The following RNF182 variants were observed in gnomAD, a reference collection of about 807,000 sequenced individuals.
RNF182 encodes the protein E3 ubiquitin-protein ligase RNF182.
In RNF182, 15 loss-of-function variants were observed where a neutral mutation model predicts 14.4. That is an observed-to-expected ratio of 1.04 (90% CI 0.70 to 1.60). The LOEUF (loss-of-function observed/expected upper bound fraction) is 1.60. Ranked by LOEUF, RNF182 falls within the 40% of genes most tolerant of loss-of-function variation. The pLI is 0.00. For missense variants in RNF182, 268 were observed against 294.8 expected (o/e 0.91, Z 0.67); for synonymous variants, 128 against 122.9 (o/e 1.04, Z -0.27).
At chr6:13,973,491 G>A (rs1034332069) in intron 1 of RNF182, among the ~76,000 whole-genome samples, 1 of 152,136 alleles carries the variant, frequency 6.6e-6, no homozygotes, top group South Asian at 2.1e-4. Flanking sequence ...ATCCCCACAT[G>A]TCAAGGGCAG....
Position 13,978,034 on chromosome 6 carries a change from G to T in RNF182, c.*171G>T. ...TTTCCTGTAGGCTGGAAGTAAAAAT[G>T]TTCATTTCTACTTAGGGGTTAGCAA... On this transcript the variant is annotated 3_prime_UTR_variant, in exon 3 of 3. Coordinates refer to ENST00000488300, the MANE Select transcript of RNF182 (RefSeq NM_152737.4). 1 of 770,408 alleles carries T rather than the reference G, an allele frequency of 1.3e-6. No homozygotes were observed. The allele number at this position is 770,408 out of a possible 1,614,324, so 47.7% of individuals were successfully genotyped here. A position where few individuals can be genotyped will look rare whatever the true frequency, so the allele number is the denominator to read the frequency against.
At chr6:13,953,249 A>G (rs1204912616) in intron 1 of RNF182, among the ~76,000 whole-genome samples, 1 of 152,208 alleles carries the variant, frequency 6.6e-6, no homozygotes, top group African/African-American at 2.4e-5. Flanking sequence ...GAGTCACTCT[A>G]GTTTGAACAC....
At chr6:13,969,905 G>A (rs919055189) in intron 1 of RNF182, among the ~76,000 whole-genome samples, 1 of 151,924 alleles carries the variant, frequency 6.6e-6, no homozygotes, top group African/African-American at 2.4e-5. Flanking sequence ...TTATTTTTAA[G>A]GCAATTTCAG....
Position 13,979,869 on chromosome 6 carries a change from A to C in RNF182, c.*2006A>C, listed in dbSNP as rs922453091. On this transcript the variant is annotated 3_prime_UTR_variant, in exon 3 of 3. Coordinates refer to ENST00000488300, the MANE Select transcript of RNF182 (RefSeq NM_152737.4). ...ATTGTGGCAGTCTTTTTTTCTAGTTAATTTGGCTTTAGAGAGCAATCTTTG... is the reference window on the plus strand; with the variant it reads ...ATTGTGGCAGTCTTTTTTTCTAGTTCATTTGGCTTTAGAGAGCAATCTTTG... 6.0e-6 allele frequency: 1 copy of C among 166,906 alleles called. No homozygotes were observed. Among genetic ancestry groups the C allele is most frequent in the African/African-American group, 2.4e-5 (1 of 41,396 alleles). The allele number at this position is 166,906 out of a possible 1,614,324, so 10.3% of individuals were successfully genotyped here. A position where few individuals can be genotyped will look rare whatever the true frequency, so the allele number is the denominator to read the frequency against.
intron 1 of RNF182, among the ~76,000 whole-genome samples, chr6:13,951,231 C>G (rs941042069): frequency 1.3e-5 from 2 of 152,162 alleles, no homozygotes; most frequent in Non-Finnish European, 2.9e-5. Flanking sequence ...TTTTAAGTTT[C>G]TTAACTGGAT....
intron 1 of RNF182, among the ~76,000 whole-genome samples, chr6:13,944,717 A>C (rs565383910): frequency 1.3e-5 from 2 of 152,328 alleles, no homozygotes; most frequent in East Asian, 1.9e-4. Context: ...CTTTCAATAC[A>C]CCTGTGAGGT....
intron 1 of RNF182, among the ~76,000 whole-genome samples, chr6:13,945,520 T>C (rs896787470): frequency 1.3e-5 from 2 of 152,114 alleles, no homozygotes; most frequent in African/African-American, 4.8e-5. Context: ...TGCTATAGGT[T>C]AGGCAAAAAT....
At chr6:13,943,333 T>G (rs887746618) in intron 1 of RNF182, among the ~76,000 whole-genome samples, 1 of 152,022 alleles carries the variant, frequency 6.6e-6, no homozygotes, top group Non-Finnish European at 1.5e-5. Context: ...GTTGTCCAAG[T>G]TGTTCTTGAA....
intron 1 of RNF182, among the ~76,000 whole-genome samples, chr6:13,931,788 A>AC (rs1290675085): frequency 6.6e-6 from 1 of 151,998 alleles, no homozygotes; most frequent in Non-Finnish European, 1.5e-5. Context: ...ACTGCAATGG[A>AC]CAGCATGCTC....
intron 1 of RNF182, among the ~76,000 whole-genome samples, chr6:13,968,854 G>A (rs1187118788): frequency 2.0e-5 from 3 of 152,174 alleles, no homozygotes; most frequent in Non-Finnish European, 4.4e-5. Flanking sequence ...TATTGCCTGT[G>A]AGTTTTGTTG....
At position 13,969,506 on chromosome 6, in the gene RNF182, G is replaced by A. The variant is rs1216064096; in HGVS notation, c.-366-4704G>A. 2.6e-5 allele frequency among the ~76,000 whole-genome samples: 4 copies of A among 152,206 alleles called. No individual in the cohort carries two copies. In the South Asian group the frequency reaches 8.3e-4, roughly 32 times the overall value. Reference sequence around the variant, plus strand: ...TAGGAAACACTACCCCGAAGAAGTGGGGGCAGTTGGGAAGGGAGCAATGTG... The same window carrying A: ...TAGGAAACACTACCCCGAAGAAGTGAGGGCAGTTGGGAAGGGAGCAATGTG... On this transcript the variant is annotated intron_variant, in intron 1 of 2. Coordinates refer to ENST00000488300, the MANE Select transcript of RNF182 (RefSeq NM_152737.4).
At chr6:13,925,231 C>T (rs988256595) in intron 1 of RNF182, 32 of 151,694 alleles carry the variant, frequency 2.1e-4, no homozygotes, top group African/African-American at 6.5e-4. Context: ...CGTCCTGGCA[C>T]CAACTTGAGG....
At chr6:13,949,285 T>C in intron 1 of RNF182, 2 of 779,530 alleles carry the variant, frequency 2.6e-6, no homozygotes, top group Admixed American at 1.7e-5. Context: ...TTACCACATC[T>C]GTCAGAAACC....
intron 1 of RNF182, chr6:13,949,453 T>C (rs1487023869): frequency 1.5e-6 from 1 of 661,400 alleles, no homozygotes; most frequent in Non-Finnish European, 2.8e-6. Flanking sequence ...GACTTCATTC[T>C]GGCCTTTGGT....
intron 1 of RNF182, among the ~76,000 whole-genome samples, chr6:13,929,225 G>A (rs1758906926): frequency 6.6e-6 from 1 of 152,120 alleles, no homozygotes; most frequent in Non-Finnish European, 1.5e-5. Context: ...AATCAAGATG[G>A]CAATGGAACT....
At chr6:13,945,468 GCTTT>G (rs928134577) in intron 1 of RNF182, among the ~76,000 whole-genome samples, 4 of 152,234 alleles carry the variant, frequency 2.6e-5, no homozygotes, top group African/African-American at 7.2e-5. Flanking sequence ...ATTTTGCAGA[GCTTT>G]CTGTTTTAAA....
At chr6:13,959,366 C>T (rs899697168) in intron 1 of RNF182, among the ~76,000 whole-genome samples, 1 of 152,160 alleles carries the variant, frequency 6.6e-6, no homozygotes, top group Non-Finnish European at 1.5e-5. Context: ...TATACGGTAC[C>T]TTGCTGTGTA....
At chr6:13,935,956 G>A (rs895824281) in intron 1 of RNF182, among the ~76,000 whole-genome samples, 4 of 152,214 alleles carry the variant, frequency 2.6e-5, no homozygotes, top group African/African-American at 9.7e-5. Flanking sequence ...AGGCTGTACA[G>A]GAAGCATGGT....
chr6:13,975,304 A>G (rs1017893964), intron 2 of RNF182, among the ~76,000 whole-genome samples: 2 of 152,210 alleles, frequency 1.3e-5, no homozygotes, highest in Non-Finnish European at 2.9e-5. Context: ...GGGCATGTGT[A>G]TCCTGAATGG....
Sources: gnomAD v4.1 joint callset for allele counts (sites outside exome capture counted in the v4.1 genomes callset) on GRCh38, gnomAD v4.1.1 for gene constraint, MANE v1.5 for transcripts, NCBI Gene and HGNC (gene_info 2026-07-23, HGNC 2026-07-21) for gene names.